Variants in RORA observed in about 807,000 individuals in gnomAD.
RORA encodes the protein nuclear receptor ROR-alpha.
Under a neutral mutation model 69.5 loss-of-function variants are expected in RORA, and 7 were observed. That is an observed-to-expected ratio of 0.10 (90% CI 0.06 to 0.19). RORA has a LOEUF of 0.19. RORA is among the 10% of genes least tolerant of loss of function. RORA has a pLI of 1.00. For missense variants in RORA, 457 were observed against 663.0 expected (o/e 0.69, Z 3.41); for synonymous variants, 261 against 240.8 (o/e 1.08, Z -0.78).
intron 1 of RORA, among the ~76,000 whole-genome samples, chr15:60,693,103 T>C (rs1384919415): frequency 1.3e-5 from 2 of 152,146 alleles, no homozygotes; most frequent in Non-Finnish European, 2.9e-5. Context: ...AAATCCACCA[T>C]GATCAAATTG....
intron 1 of RORA, among the ~76,000 whole-genome samples, chr15:60,911,507 C>T (rs1448681895): frequency 6.6e-6 from 1 of 152,138 alleles, no homozygotes; most frequent in Non-Finnish European, 1.5e-5. Context: ...CTTCACTACC[C>T]TTCTATCCCT....
At chr15:60,577,644 CAA>C (rs34467661) in intron 2 of RORA, among the ~76,000 whole-genome samples, 163 of 104,736 alleles carry the variant, frequency 1.6e-3, no homozygotes, top group African/African-American at 1.7e-3. Context: ...ACTCTGTTTC[CAA>C]AAAAAAAAAA....
intron 1 of RORA, among the ~76,000 whole-genome samples, chr15:60,835,897 A>G (rs2073108687): frequency 1.3e-5 from 2 of 152,206 alleles, no homozygotes; most frequent in African/African-American, 4.8e-5. Flanking sequence ...ATGAAAACTT[A>G]TTACTGATTT....
At position 61,087,161 on chromosome 15, in the gene RORA, AC is replaced by A. The variant is rs1456455056; in HGVS notation, c.166+141891del. 3.9e-5 allele frequency among the ~76,000 whole-genome samples: 6 copies of A among 152,320 alleles called. No individual in the cohort carries two copies. In the East Asian group the frequency reaches 1.2e-3, roughly 29 times the overall value. On this transcript the variant is annotated intron_variant, in intron 1 of 10. Coordinates refer to ENST00000335670, the MANE Select transcript of RORA (RefSeq NM_134261.3). ...GACAGAATAAGACCCTGTCTCCAAA[AC>A]AAAAACAAAACAAAACAAAAAGTGA... is the stretch of plus-strand genomic sequence containing the variant.
chr15:60,793,811 A>C (rs1033645231), intron 1 of RORA, among the ~76,000 whole-genome samples: 1 of 152,134 alleles, frequency 6.6e-6, no homozygotes, highest in African/African-American at 2.4e-5. Context: ...CTTACTGGCC[A>C]CCAAATCCTG....
rs2079167062 is a variant in RORA at position 61,128,990 on chromosome 15, C to A, written c.166+100063G>T. ...CCCTTTACAAAATAATAACTAGTGT[C>A]ATGAATTAAAATAGCTGAAAATAAT... On this transcript the variant is annotated intron_variant, in intron 1 of 10. Coordinates refer to ENST00000335670, the MANE Select transcript of RORA (RefSeq NM_134261.3). This position sits in a 1 kb window ranked among gnomAD's most constrained non-coding sequence, Gnocchi z 4.5. Among the ~76,000 whole-genome samples the A allele has an allele frequency of 6.6e-6, 1 of 152,180 alleles. No homozygotes were observed. Among genetic ancestry groups the A allele is most frequent in the South Asian group, 2.1e-4 (1 of 4,828 alleles).
At chr15:61,116,289 C>G (rs2079050269) in intron 1 of RORA, among the ~76,000 whole-genome samples, 1 of 152,294 alleles carries the variant, frequency 6.6e-6, no homozygotes, top group South Asian at 2.1e-4. Flanking sequence ...AGCAAATTAT[C>G]AGACCTACTG....
intron 3 of RORA, chr15:60,529,551 C>T (rs1407265313): frequency 6.6e-6 from 1 of 152,108 alleles, no homozygotes; most frequent in African/African-American, 2.4e-5. Context: ...GTCAACAGAG[C>T]AGAGGAACAG....
chr15:60,972,047 T>C (rs970365167), intron 1 of RORA, among the ~76,000 whole-genome samples: 1 of 152,238 alleles, frequency 6.6e-6, no homozygotes, highest in African/African-American at 2.4e-5. Flanking sequence ...CCACTCTGCC[T>C]TCATCTGTTG....
chr15:60,790,521 G>A lies in RORA; in HGVS notation c.167-111835C>T, dbSNP rs977743297. Among the ~76,000 whole-genome samples, 39 of 152,172 alleles carry A rather than the reference G, an allele frequency of 2.6e-4. 1 individual carries two copies. Among genetic ancestry groups the A allele is most frequent in the Non-Finnish European group, 5.9e-5 (4 of 68,020 alleles). ...GAAGACTGGGGACTGACAGAGAATG[G>A]AAACTGCAAGTCTAGAACCTGATGA... On this transcript the variant is annotated intron_variant, in intron 1 of 10. Transcript: ENST00000335670.
intron 1 of RORA, among the ~76,000 whole-genome samples, chr15:61,207,316 A>C (rs2079951633): frequency 6.6e-6 from 1 of 152,234 alleles, no homozygotes; most frequent in Admixed American, 6.5e-5. Context: ...GATGGATTCC[A>C]GGAAGTTAAA....
intron 1 of RORA, among the ~76,000 whole-genome samples, chr15:60,917,608 C>T (rs1290110515): frequency 6.6e-6 from 1 of 152,200 alleles, no homozygotes; most frequent in African/African-American, 2.4e-5. Context: ...GAAACGTCGG[C>T]CGAGGGGCAG....
intron 1 of RORA, among the ~76,000 whole-genome samples, chr15:61,124,651 A>G (rs1303154232): frequency 6.6e-6 from 1 of 152,128 alleles, no homozygotes; most frequent in Non-Finnish European, 1.5e-5. Flanking sequence ...TCCCAGCATA[A>G]CTTTTCCTCA....
chr15:60,827,646 G>A (rs1322172320), intron 1 of RORA, among the ~76,000 whole-genome samples: 1 of 152,206 alleles, frequency 6.6e-6, no homozygotes, highest in African/African-American at 2.4e-5. Context: ...GGACATGGCG[G>A]GTGTTGGAGC....
intron 1 of RORA, among the ~76,000 whole-genome samples, chr15:60,718,260 C>T (rs976537510): frequency 2.6e-5 from 4 of 152,130 alleles, no homozygotes; most frequent in Non-Finnish European, 4.4e-5. Flanking sequence ...GTAGAAGGAT[C>T]GTGCTAGAAT....
intron 1 of RORA, among the ~76,000 whole-genome samples, chr15:60,730,518 C>T (rs1307236938): frequency 6.6e-6 from 1 of 152,196 alleles, no homozygotes; most frequent in Non-Finnish European, 1.5e-5. Context: ...ATCAAAGGAG[C>T]TTTTCACTTC....
At chr15:60,571,320 T>C (rs1413215137) in intron 2 of RORA, among the ~76,000 whole-genome samples, 1 of 150,874 alleles carries the variant, frequency 6.6e-6, no homozygotes, top group Admixed American at 6.6e-5. Flanking sequence ...GTTTCCTGTG[T>C]TTTTGTGTGT....
intron 2 of RORA, among the ~76,000 whole-genome samples, chr15:60,641,229 G>A (rs534050994): frequency 6.6e-6 from 1 of 152,236 alleles, no homozygotes; most frequent in East Asian, 1.9e-4. Context: ...TGGGATTACA[G>A]GCAAGAGCCA....
chr15:60,515,762 G>A (rs888420786), intron 3 of RORA, among the ~76,000 whole-genome samples: 1 of 145,728 alleles, frequency 6.9e-6, no homozygotes, highest in Non-Finnish European at 1.5e-5. Context: ...CGGGGGAGGG[G>A]GCAGGGTCTT....
Sources: gnomAD v4.1 joint callset for allele counts (sites outside exome capture counted in the v4.1 genomes callset) on GRCh38, gnomAD v4.1.1 for gene constraint, Gnocchi (gnomAD v3.1) non-coding constraint, MANE v1.5 for transcripts, NCBI Gene and HGNC (gene_info 2026-07-23, HGNC 2026-07-21) for gene names.